WLS: variants seen among roughly 807,000 people sequenced by gnomAD.
WLS encodes the protein protein wntless homolog.
In WLS, 23 loss-of-function variants were observed where a neutral mutation model predicts 62.8. The ratio of observed to expected loss-of-function variants is 0.37; its 90% CI spans 0.26 to 0.52. The LOEUF (loss-of-function observed/expected upper bound fraction) is 0.52. WLS is among the 20% of genes least tolerant of loss of function. The pLI is 0.92. For missense variants in WLS, 615 were observed against 697.3 expected, an observed-to-expected ratio of 0.88 and a Z score of 1.33; for synonymous variants, 246 against 244.1, an observed-to-expected ratio of 1.01 and a Z score of -0.07.
chr1:68,100,251 C>T (rs991278096), intron 11 of WLS, among the ~76,000 whole-genome samples: 2 of 152,158 alleles, frequency 1.3e-5, no homozygotes, highest in East Asian at 1.9e-4. Context: ...GGATCCTGGT[C>T]CCCTGGTTCT....
At chr1:68,176,904 C>T (rs1331951321) in intron 2 of WLS, among the ~76,000 whole-genome samples, 5 of 152,150 alleles carry the variant, frequency 3.3e-5, no homozygotes, top group Admixed American at 2.6e-4. Flanking sequence ...GCATAATCAA[C>T]GTTTCCTTCT....
intron 2 of WLS, among the ~76,000 whole-genome samples, chr1:68,193,474 G>C (rs1375571960): frequency 7.3e-6 from 1 of 137,794 alleles, no homozygotes; most frequent in African/African-American, 2.7e-5. Flanking sequence ...TGGGGAAATG[G>C]GTGCTCATGG....
chr1:68,118,524 C>G (rs1298588560), intron 11 of WLS, among the ~76,000 whole-genome samples: 1 of 152,050 alleles, frequency 6.6e-6, no homozygotes, highest in African/African-American at 2.4e-5. Context: ...TTTACCACAC[C>G]AATATACTTC....
intron 8 of WLS, among the ~76,000 whole-genome samples, chr1:68,147,204 A>C (rs1267263809): frequency 6.6e-6 from 1 of 152,192 alleles, no homozygotes; most frequent in Non-Finnish European, 1.5e-5. Context: ...AGGACTTGAA[A>C]TTTTACTCAC....
chr1:68,128,690 C>T (rs1557460680), intron 11 of WLS, among the ~76,000 whole-genome samples: 1 of 152,192 alleles, frequency 6.6e-6, no homozygotes. Flanking sequence ...GCCTTGGCTT[C>T]TTTATTTAAA....
In WLS at chr1:68,146,016, G is replaced by C. The variant is rs754978698; in HGVS notation, c.1135-4C>G. 1 of 1,613,868 alleles carries C rather than the reference G, an allele frequency of 6.2e-7. No homozygotes were observed. The highest frequency in any genetic ancestry group is 8.5e-7 in the Non-Finnish European group (1 of 1,179,852). Reference sequence around the variant, plus strand: ...CAGCCACGATGATGAAGGCCATCTGGTCGTGTCCAGTAAAGGAAACAACGG... The same window carrying C: ...CAGCCACGATGATGAAGGCCATCTGCTCGTGTCCAGTAAAGGAAACAACGG... On this transcript the variant is annotated splice_region_variant and splice_polypyrimidine_tract_variant and intron_variant, in intron 8 of 11. Coordinates refer to ENST00000262348, the MANE Select transcript of WLS (RefSeq NM_024911.7).
intron 1 of WLS, among the ~76,000 whole-genome samples, chr1:68,196,485 A>G (rs1648665397): frequency 6.6e-6 from 1 of 152,124 alleles, no homozygotes. Flanking sequence ...ATCAGATAGC[A>G]ATGGAGAAAC....
chr1:68,148,855 T>C (rs1646788249), intron 6 of WLS, among the ~76,000 whole-genome samples, 195 bp from the exon 7 acceptor site: 1 of 152,056 alleles, frequency 6.6e-6, no homozygotes, highest in African/African-American at 2.4e-5. Flanking sequence ...GTCTGGCACA[T>C]ACGTAGAACA....
intron 10 of WLS, chr1:68,142,930 G>A (rs1286465512): frequency 1.3e-5 from 2 of 152,054 alleles, no homozygotes; most frequent in African/African-American, 4.8e-5. Flanking sequence ...TTCAATTATG[G>A]ATGTAGAAAA....
chr1:68,158,534 AAGG>A (rs1006584862), intron 3 of WLS, among the ~76,000 whole-genome samples: 1 of 152,062 alleles, frequency 6.6e-6, no homozygotes, highest in Admixed American at 6.5e-5. Flanking sequence ...GCCAAACCGG[AAGG>A]AGGAGAATTG....
intron 11 of WLS, among the ~76,000 whole-genome samples, chr1:68,130,159 G>A (rs1032738197): frequency 5.3e-5 from 8 of 152,148 alleles, no homozygotes; most frequent in African/African-American, 7.2e-5. Flanking sequence ...TCTTAGGACC[G>A]GCAGCATTTT....
chr1:68,155,906 C>T (rs1372491725), intron 3 of WLS, among the ~76,000 whole-genome samples: 3 of 152,098 alleles, frequency 2.0e-5, no homozygotes, highest in South Asian at 2.1e-4. Flanking sequence ...TTTCTGCCTC[C>T]GGTGCTTCCT....
chr1:68,214,880 G>A (rs1244529308), intron 1 of WLS, among the ~76,000 whole-genome samples: 1 of 152,104 alleles, frequency 6.6e-6, no homozygotes, highest in Non-Finnish European at 1.5e-5. Flanking sequence ...TATTTTATTA[G>A]CTTCATTCTC....
intron 1 of WLS, among the ~76,000 whole-genome samples, chr1:68,231,329 G>A (rs1650408679): frequency 6.6e-6 from 1 of 152,138 alleles, no homozygotes; most frequent in Admixed American, 6.5e-5. Context: ...AGGCCGGCGA[G>A]CTGTCACCTG....
At chr1:68,098,696 T>C (rs751571407) in exon 12 of WLS, 6 of 1,613,918 alleles carry the variant, frequency 3.7e-6, no homozygotes, top group East Asian at 2.2e-5. Context: ...CAATTCTTGA[T>C]AAAGTTCCGA....
In WLS at chr1:68,148,530, G is replaced by C. The variant is rs1316491930; in HGVS notation, c.1070+33C>G. ...ACAGGAGTGGGCGTGGTGATGCACAGTTTGGCTCAGTGTCCCACAAACACT... is the reference window on the plus strand; with the variant it reads ...ACAGGAGTGGGCGTGGTGATGCACACTTTGGCTCAGTGTCCCACAAACACT... On this transcript the variant is annotated intron_variant, in intron 7 of 11. Coordinates refer to ENST00000262348, the MANE Select transcript of WLS (RefSeq NM_024911.7). 15 of 1,604,046 alleles carry C rather than the reference G, an allele frequency of 9.4e-6. No individual in the cohort carries two copies. The East Asian group carries it at 3.1e-4, about 33-fold the overall frequency.
rs1444968641 is a variant in WLS, at chr1:68,126,019, C to T, written c.*207G>A. ...TCATACCAGAGTTTTTGTTATCATA[C>T]ACAATGCATTAGTGGCTGCAGGAAT... On this transcript the variant is annotated 3_prime_UTR_variant, in exon 12 of 12. Transcript: ENST00000262348. 7.2e-7 allele frequency: 1 copy of T among 1,387,914 alleles called. No individual in the cohort carries two copies. Among genetic ancestry groups the T allele is most frequent in the Non-Finnish European group, 9.4e-7 (1 of 1,065,694 alleles). 86.0% of individuals were successfully genotyped at this position (1,387,914 alleles called of 1,614,324 possible).
intron 2 of WLS, chr1:68,163,052 T>C: frequency 1.9e-6 from 3 of 1,577,824 alleles, no homozygotes; most frequent in Non-Finnish European, 2.6e-6. Context: ...TTCTGTCCAA[T>C]TGCTGTCTCT....
At chr1:68,118,549 A>G (rs1213739631) in intron 11 of WLS, among the ~76,000 whole-genome samples, 1 of 152,126 alleles carries the variant, frequency 6.6e-6, no homozygotes, top group East Asian at 1.9e-4. Flanking sequence ...TGATAGGGAT[A>G]TTGTTTACTG....
Sources: gnomAD v4.1 joint callset for allele counts (sites outside exome capture counted in the v4.1 genomes callset) on GRCh38, gnomAD v4.1.1 for gene constraint, MANE v1.5 for transcripts, NCBI Gene and HGNC (gene_info 2026-07-23, HGNC 2026-07-21) for gene names.